The following TEAD1 variants were observed in gnomAD, a reference collection of about 807,000 sequenced individuals.
TEAD1 encodes the protein transcriptional enhancer factor TEF-1.
In TEAD1, 9 loss-of-function variants were observed where a neutral mutation model predicts 54.9. The observed-to-expected ratio is 0.16, with a 90% CI of 0.10 to 0.29. The LOEUF is 0.29. Among genes scored for constraint, TEAD1 ranks in the 10% least tolerant of loss-of-function variants. The pLI is 1.00. For synonymous variants in TEAD1, 200 were observed against 187.8 expected (o/e 1.07, Z -0.53); for missense variants, 387 against 535.9 (o/e 0.72, Z 2.74).
At chr11:12,870,123 G>A (rs533040568) in intron 5 of TEAD1, among the ~76,000 whole-genome samples, 4 of 151,864 alleles carry the variant, frequency 2.6e-5, no homozygotes, top group East Asian at 1.9e-4. Flanking sequence ...CAAGTGATGC[G>A]CCTGCCTCAG....
intron 2 of TEAD1, among the ~76,000 whole-genome samples, chr11:12,698,504 T>TA (rs1017498130): frequency 2.6e-5 from 4 of 151,690 alleles, no homozygotes; most frequent in African/African-American, 9.7e-5. Context: ...TTTTGTCACT[T>TA]AAAGAGGGTT....
intron 2 of TEAD1, among the ~76,000 whole-genome samples, chr11:12,713,724 A>G (rs917821375): frequency 5.3e-5 from 8 of 152,186 alleles, no homozygotes; most frequent in Non-Finnish European, 8.8e-5. Flanking sequence ...CAGTGATGCT[A>G]GGGTTAGTTA....
At chr11:12,717,102 A>C (rs1944079923) in intron 2 of TEAD1, among the ~76,000 whole-genome samples, 1 of 152,242 alleles carries the variant, frequency 6.6e-6, no homozygotes, top group South Asian at 2.1e-4. Context: ...AGCCATAAAC[A>C]GTCAAGTCTG....
intron 5 of TEAD1, 170 bp downstream of exon 5, chr11:12,865,070 C>T (rs1381548332): frequency 1.7e-5 from 13 of 767,616 alleles, no homozygotes; most frequent in Non-Finnish European, 2.7e-5. Context: ...ACTAGCCTCA[C>T]ATTAAACTCA....
chr11:12,913,724 T>G (rs1400970780), intron 10 of TEAD1, among the ~76,000 whole-genome samples: 1 of 152,286 alleles, frequency 6.6e-6, no homozygotes, highest in African/African-American at 2.4e-5. Context: ...GTATATATGT[T>G]CATATGTACT....
chr11:12,816,195 C>G lies in TEAD1; in HGVS notation c.203-46055C>G, dbSNP rs141962909. Among the ~76,000 whole-genome samples, 778 of 152,330 alleles carry G rather than the reference C, an allele frequency of 5.1e-3. 5 individuals carry two copies. The highest frequency in any genetic ancestry group is 8.5e-3 in the Non-Finnish European group (581 of 68,018). On this transcript the variant is annotated intron_variant, in intron 3 of 12. Coordinates refer to ENST00000527636, the MANE Select transcript of TEAD1 (RefSeq NM_021961.6). ...TTTTTATCAATCCGATACTGTTGCA[C>G]TCACGTCCCACTTTGAGGCTGGATG...
chr11:12,738,482 G>A (rs1446746559), intron 2 of TEAD1, among the ~76,000 whole-genome samples: 2 of 152,188 alleles, frequency 1.3e-5, no homozygotes, highest in Admixed American at 6.5e-5. Flanking sequence ...GAGGTGGCGT[G>A]TCTCAGCCCT....
intron 3 of TEAD1, among the ~76,000 whole-genome samples, chr11:12,824,926 T>C (rs1028163941): frequency 6.6e-6 from 1 of 152,258 alleles, no homozygotes; most frequent in Non-Finnish European, 1.5e-5. Context: ...TTACATGAGA[T>C]GGTGCTGTTT....
At chr11:12,814,340 G>T (rs1946369338) in intron 3 of TEAD1, among the ~76,000 whole-genome samples, 1 of 152,190 alleles carries the variant, frequency 6.6e-6, no homozygotes. Flanking sequence ...AACAGAGTTT[G>T]TTCCCTTTGA....
chr11:12,699,429 C>T (rs1404743240), intron 2 of TEAD1, among the ~76,000 whole-genome samples: 1 of 152,034 alleles, frequency 6.6e-6, no homozygotes, highest in African/African-American at 2.4e-5. Context: ...GAATAGTTTA[C>T]CTCATTCTGT....
At position 12,881,054 on chromosome 11, in the gene TEAD1, A is replaced by G. The variant is rs1947955791; in HGVS notation, c.512+3A>G. ...GGGCAGCCAGGATCCTCACAAGAGTAAGTCTGAGGAGGGGTGGGCACTGAC... is the reference window on the plus strand; with the variant it reads ...GGGCAGCCAGGATCCTCACAAGAGTGAGTCTGAGGAGGGGTGGGCACTGAC... On this transcript the variant is annotated splice_donor_region_variant and intron_variant, in intron 7 of 12. Coordinates refer to ENST00000527636, the MANE Select transcript of TEAD1 (RefSeq NM_021961.6). The G allele has an allele frequency of 1.9e-6, 3 of 1,614,020 alleles. No homozygotes were observed. The African/African-American group carries it at 4.0e-5, about 22-fold the overall frequency.
intron 3 of TEAD1, among the ~76,000 whole-genome samples, chr11:12,791,232 C>T (rs1033447982): frequency 6.6e-6 from 1 of 152,168 alleles, no homozygotes; most frequent in Non-Finnish European, 1.5e-5. Context: ...TTCCAGATAA[C>T]AGCCTAAGTT....
chr11:12,845,092 G>A (rs920516062), intron 3 of TEAD1, among the ~76,000 whole-genome samples: 1 of 149,124 alleles, frequency 6.7e-6, no homozygotes, highest in Non-Finnish European at 1.5e-5. Context: ...AGCCTCCTGA[G>A]TAGCTGGGAC....
At chr11:12,929,770 G>A (rs535055144) in intron 11 of TEAD1, among the ~76,000 whole-genome samples, 1 of 152,212 alleles carries the variant, frequency 6.6e-6, no homozygotes, top group South Asian at 2.1e-4. Flanking sequence ...AGAGAGATTA[G>A]CTATATTGGT....
chr11:12,703,056 C>T (rs1943736390), intron 2 of TEAD1, among the ~76,000 whole-genome samples: 1 of 152,148 alleles, frequency 6.6e-6, no homozygotes, highest in African/African-American at 2.4e-5. Context: ...GCCACTACAT[C>T]TTATCCTGGG....
intron 2 of TEAD1, among the ~76,000 whole-genome samples, chr11:12,760,249 A>G (rs542728536): frequency 2.4e-4 from 37 of 152,370 alleles, no homozygotes; most frequent in African/African-American, 7.9e-4. Flanking sequence ...TGATCTTACT[A>G]AATCTTTATG....
chr11:12,819,558 C>T (rs920833390), intron 3 of TEAD1, among the ~76,000 whole-genome samples: 8 of 152,094 alleles, frequency 5.3e-5, no homozygotes, highest in African/African-American at 1.2e-4. Context: ...ACGCCATTCT[C>T]CTGCCTCAGC....
At chr11:12,925,343 A>G (rs1948886098) in intron 11 of TEAD1, among the ~76,000 whole-genome samples, 1 of 152,176 alleles carries the variant, frequency 6.6e-6, no homozygotes, top group Admixed American at 6.5e-5. Context: ...ACGTCTTCTC[A>G]TGGTGGCAGG....
At chr11:12,679,177 T>C (rs1412269839) in intron 2 of TEAD1, among the ~76,000 whole-genome samples, 3 of 152,178 alleles carry the variant, frequency 2.0e-5, no homozygotes, top group African/African-American at 7.2e-5. Context: ...TAAAAACCTA[T>C]CTTTTTTCTA....
Sources: gnomAD v4.1 joint callset for allele counts (sites outside exome capture counted in the v4.1 genomes callset) on GRCh38, gnomAD v4.1.1 for gene constraint, MANE v1.5 for transcripts, NCBI Gene and HGNC (gene_info 2026-07-23, HGNC 2026-07-21) for gene names.